Variants in IL23A observed in about 807,000 individuals in gnomAD.
The protein encoded by IL23A is interleukin 23 subunit alpha.
IL23A carries 16 observed loss-of-function variants against 20.7 expected under a neutral mutation model. The observed-to-expected ratio is 0.77, with a 90% CI of 0.52 to 1.17. The LOEUF is 1.17. Ranked by LOEUF, IL23A falls within the 50% of genes most tolerant of loss-of-function variation. The probability of loss-of-function intolerance (pLI) is 0.00; values close to 1 mark genes in which losing one functional copy is unlikely to be tolerated. For missense variants in IL23A, 175 were observed against 229.5 expected (o/e 0.76, Z 1.53); for synonymous variants, 80 against 88.7 (o/e 0.90, Z 0.55).
At chr12:56,339,326 A>G in intron 1 of IL23A, 100 bp from the exon 2 acceptor site, 1 of 1,373,982 alleles carries the variant, frequency 7.3e-7, no homozygotes, top group Non-Finnish European at 1.0e-6. Context: ...AGAGGACAAG[A>G]GAGTAGGGTT....
chr12:56,339,893 G>A (rs1038010630), intron 3 of IL23A, 50 bp from the exon 4 acceptor site: 1 of 1,610,314 alleles, frequency 6.2e-7, no homozygotes, highest in African/African-American at 1.3e-5. Flanking sequence ...ACAGAGGGTT[G>A]GGGGTTAAGG....
chr12:56,340,146 G>A lies in IL23A; in HGVS notation c.*42G>A, dbSNP rs1299304419. The A allele has an allele frequency of 6.3e-7, 1 of 1,594,636 alleles. No individual in the cohort carries two copies. The highest frequency in any genetic ancestry group is 1.7e-5 in the Admixed American group (1 of 57,396). ...ATGGCACTCAGATCTCCATGGCCCA[G>A]CAAGGCCAAGATAAATCTACCACCC... On this transcript the variant is annotated 3_prime_UTR_variant, in exon 4 of 4. Transcript: ENST00000228534.
chr12:56,340,102 T>TAA lies in IL23A; in HGVS notation c.570_*1dup. ...CCATGGAGCAGCAACCCTGAGTCCC[T>TAA]AAAGGCAGCAGCTCAAGGATGGCAC... ...FAHGAATLSP[*] The change falls in exon 4 of 4, where the codon TAA becomes TAAAA. Residue 190 remains the stop codon, a frameshift_variant and stop_retained_variant. Coordinates refer to ENST00000228534, the MANE Select transcript of IL23A (RefSeq NM_016584.3). LOFTEE classifies it high-confidence loss of function. 6.2e-7 allele frequency: 1 copy of TAA among 1,613,830 alleles called. No individual in the cohort carries two copies. Among genetic ancestry groups the TAA allele is most frequent in the South Asian group, 1.1e-5 (1 of 91,056 alleles).
chr12:56,338,962 C>T lies in IL23A; in HGVS notation c.-83C>T. On this transcript the variant is annotated 5_prime_UTR_variant, in exon 1 of 4. Coordinates refer to ENST00000228534, the MANE Select transcript of IL23A (RefSeq NM_016584.3). The stretch of plus-strand genomic sequence containing the variant: ...CGCGCTGAACAGAGAGAATCAGGCT[C>T]AAAGCAAGTGGAAGTGGGCAGAGAT... 1.7e-6 allele frequency: 2 copies of T among 1,196,738 alleles called. No homozygotes were observed. Among genetic ancestry groups the T allele is most frequent in the Non-Finnish European group, 2.2e-6 (2 of 914,686 alleles). The allele number at this position is 1,196,738 out of a possible 1,614,324, so 74.1% of individuals were successfully genotyped here.
Position 56,339,251 on chromosome 12 carries a change from A to G in IL23A, c.162+45A>G, listed in dbSNP as rs753089266. ...GCCTAACAGGAGTCCAGGCTCTCCA[A>G]GGCTGTGGCAGAAGACCGTGACCTT... On this transcript the variant is annotated intron_variant, in intron 1 of 3. Coordinates refer to ENST00000228534, the MANE Select transcript of IL23A (RefSeq NM_016584.3). 11 of 1,532,608 alleles carry G rather than the reference A, an allele frequency of 7.2e-6. No individual in the cohort carries two copies. The Admixed American group carries it at 2.2e-4, about 31-fold the overall frequency. 94.9% of individuals were successfully genotyped at this position (1,532,608 alleles called of 1,614,324 possible). A position where few individuals can be genotyped will look rare whatever the true frequency, so the allele number is the denominator to read the frequency against.
At position 56,339,541 on chromosome 12, in the gene IL23A, G is replaced by T; in HGVS notation, c.261+17G>T. ...AACAGTCAGGTACCACTGGGATGTG[G>T]CTGGGCAATGAAGGAGAGGGGACTG... On this transcript the variant is annotated intron_variant, in intron 2 of 3. Coordinates refer to ENST00000228534, the MANE Select transcript of IL23A (RefSeq NM_016584.3). The T allele has an allele frequency of 6.3e-7, 1 of 1,596,088 alleles. No homozygotes were observed. The highest frequency in any genetic ancestry group is 2.2e-5 in the East Asian group (1 of 44,796).
rs768285630 is a variant in IL23A at position 56,339,028 on chromosome 12, GAGA to G, written c.-11_-9del. The G allele has an allele frequency of 2.5e-5, 35 of 1,375,170 alleles. No homozygotes were observed. Among genetic ancestry groups the G allele is most frequent in the Non-Finnish European group, 3.0e-5 (32 of 1,054,496 alleles). The allele number at this position is 1,375,170 out of a possible 1,614,324, so 85.2% of individuals were successfully genotyped here. On this transcript the variant is annotated 5_prime_UTR_variant, in exon 1 of 4. Transcript: ENST00000228534. ...GCAAGGCGCAGAGCCAGCCAGATTT[GAGA>G]AGAAGGCAAAAAGATGCTGGGGAGC...
At chr12:56,339,578 G>C (rs1876407279) in intron 2 of IL23A, 54 bp downstream of exon 2, 2 of 1,582,124 alleles carry the variant, frequency 1.3e-6, no homozygotes, top group South Asian at 2.2e-5. Flanking sequence ...GAACATGGCT[G>C]GGTACCATGG....
rs868411701 is a variant in IL23A at position 56,340,387 on chromosome 12, A to C, written c.*283A>C. On this transcript the variant is annotated 3_prime_UTR_variant, in exon 4 of 4. Transcript: ENST00000228534. Reference sequence around the variant, plus strand: ...TTATATTGAATTATGTACTTTTTTCAATAAAGTCTTATTTTTGTGGCTATA... The same window carrying C: ...TTATATTGAATTATGTACTTTTTTCCATAAAGTCTTATTTTTGTGGCTATA... The C allele has an allele frequency of 9.3e-6, 3 of 322,402 alleles. No homozygotes were observed. The highest frequency in any genetic ancestry group is 8.9e-4 in the Middle Eastern group (1 of 1,120). The allele number at this position is 322,402 out of a possible 1,614,324, so 20.0% of individuals were successfully genotyped here.
rs541477832 is a variant in IL23A, at chr12:56,339,712, C to T, written c.283C>T (p.Gln95Ter). Residue 95 changes from glutamine to a stop codon, truncating the protein, a stop_gained, in exon 3 of 4, where the codon CAG (glutamine) becomes TAG (stop). Coordinates refer to ENST00000228534, the MANE Select transcript of IL23A (RefSeq NM_016584.3). LOFTEE classifies it high-confidence loss of function. ...NSQFCLQRIHQGLIFYEKLLG... is the reference protein window; with the variant it reads ...NSQFCLQRIH ...CTAGTTCTGCTTGCAAAGGATCCAC[C>T]AGGGTCTGATTTTTTATGAGAAGCT... 1 of 1,613,880 alleles carries T rather than the reference C, an allele frequency of 6.2e-7. No individual in the cohort carries two copies. The highest frequency in any genetic ancestry group is 8.5e-7 in the Non-Finnish European group (1 of 1,179,900).
At position 56,340,260 on chromosome 12, in the gene IL23A, G is replaced by C. The variant is rs200670603; in HGVS notation, c.*156G>C. On this transcript the variant is annotated 3_prime_UTR_variant, in exon 4 of 4. Transcript: ENST00000228534. ...AAATTACCAATACTGACTGACATGT[G>C]ATGCTGACCTATGATAAGGTTGAGT... 7 of 705,208 alleles carry C rather than the reference G, an allele frequency of 9.9e-6. No individual in the cohort carries two copies. Among genetic ancestry groups the C allele is most frequent in the Non-Finnish European group, 1.6e-5 (7 of 433,940 alleles). 43.7% of individuals were successfully genotyped at this position (705,208 alleles called of 1,614,324 possible). A position where few individuals can be genotyped will look rare whatever the true frequency, so the allele number is the denominator to read the frequency against.
rs769687309 is a variant in IL23A at position 56,339,068 on chromosome 12, G to A, written c.24G>A (p.Met8Ile). 3.5e-6 allele frequency: 5 copies of A among 1,440,530 alleles called. No individual in the cohort carries two copies. The Admixed American group carries it at 1.3e-4, about 36-fold the overall frequency. 89.2% of individuals were successfully genotyped at this position (1,440,530 alleles called of 1,614,324 possible). ...AGATGCTGGGGAGCAGAGCTGTAAT[G>A]CTGCTGTTGCTGCTGCCCTGGACAG... MLGSRAVMLLLLLPWTAQ... is the reference protein window; with the variant it reads MLGSRAVILLLLLPWTAQ... Residue 8 changes from methionine (M) to isoleucine (I), a missense_variant, in exon 1 of 4, where the codon ATG (methionine) becomes ATA (isoleucine). Met to Ile is a conservative substitution (Grantham distance 10, BLOSUM62 1). Transcript: ENST00000228534.
chr12:56,339,889 G>A (rs1465123694), intron 3 of IL23A, 52 bp downstream of exon 3: 9 of 1,610,508 alleles, frequency 5.6e-6, no homozygotes, highest in Admixed American at 5.0e-5. Context: ...AGAGACAGAG[G>A]GTTGGGGGTT....
In IL23A at chr12:56,339,094, C is replaced by T. The variant is rs761463787; in HGVS notation, c.50C>T (p.Ala17Val). ...CTGCTGTTGCTGCTGCCCTGGACAG[C>T]TCAGGGCAGAGCTGTGCCTGGGGGC... ...VMLLLLLPWT[A>V]QGRAVPGGSS... is the part of the protein sequence containing the mutation. Residue 17 changes from alanine to valine, a missense_variant, in exon 1 of 4, where the codon GCT becomes GTT. By Grantham distance (64) the Ala-to-Val change is moderately conservative. Coordinates refer to ENST00000228534, the MANE Select transcript of IL23A (RefSeq NM_016584.3). 5.8e-6 allele frequency: 9 copies of T among 1,550,316 alleles called. No individual in the cohort carries two copies. Among genetic ancestry groups the T allele is most frequent in the Non-Finnish European group, 7.9e-6 (9 of 1,145,742 alleles).
Position 56,339,729 on chromosome 12 carries a change from T to C in IL23A, c.300T>C (p.Tyr100=). 6.2e-7 allele frequency: 1 copy of C among 1,614,022 alleles called. No individual in the cohort carries two copies. Among genetic ancestry groups the C allele is most frequent in the Non-Finnish European group, 8.5e-7 (1 of 1,179,946 alleles). Residue 100 remains tyrosine (Y), a synonymous_variant, in exon 3 of 4, where the codon TAT becomes TAC. Transcript: ENST00000228534. ...GGATCCACCAGGGTCTGATTTTTTA[T>C]GAGAAGCTGCTAGGATCGGATATTT... ...LQRIHQGLIF[Y]EKLLGSDIFT...
Position 56,339,676 on chromosome 12 carries a change from T to C in IL23A, c.262-15T>C, listed in dbSNP as rs1405298905. 3 of 1,611,640 alleles carry C rather than the reference T, an allele frequency of 1.9e-6. No homozygotes were observed. In the Admixed American group the frequency reaches 5.0e-5, roughly 27 times the overall value. ...GAAGAGGGTGTCCTCTTTCATTGCTTTCTTTTCTCCCTAGTTCTGCTTGCA... is the reference window on the plus strand; with the variant it reads ...GAAGAGGGTGTCCTCTTTCATTGCTCTCTTTTCTCCCTAGTTCTGCTTGCA... On this transcript the variant is annotated splice_polypyrimidine_tract_variant and intron_variant, in intron 2 of 3. Transcript: ENST00000228534.
At chr12:56,339,253 G>T in intron 1 of IL23A, 47 bp downstream of exon 1, 6 of 1,534,214 alleles carry the variant, frequency 3.9e-6, no homozygotes, top group Non-Finnish European at 5.3e-6. Flanking sequence ...GCTCTCCAAG[G>T]CTGTGGCAGA....
chr12:56,339,332 G>A (rs1177450214), intron 1 of IL23A, 94 bp from the exon 2 acceptor site: 10 of 1,370,736 alleles, frequency 7.3e-6, no homozygotes, highest in Non-Finnish European at 1.0e-5. Flanking sequence ...CAAGAGAGTA[G>A]GGTTCCTGGG....
chr12:56,339,113 T>TG lies in IL23A; in HGVS notation c.74dup (p.Ser26GlnfsTer37). The TG allele has an allele frequency of 1.3e-6, 2 of 1,577,480 alleles. No individual in the cohort carries two copies. Among genetic ancestry groups the TG allele is most frequent in the Non-Finnish European group, 1.7e-6 (2 of 1,157,702 alleles). On this transcript the variant is annotated frameshift_variant, in exon 1 of 4. Coordinates refer to ENST00000228534, the MANE Select transcript of IL23A (RefSeq NM_016584.3). LOFTEE classifies it high-confidence loss of function. Reference sequence around the variant, plus strand: ...GGACAGCTCAGGGCAGAGCTGTGCCTGGGGGCAGCAGCCCTGCCTGGACTC... The same window carrying TG: ...GGACAGCTCAGGGCAGAGCTGTGCCTGGGGGGCAGCAGCCCTGCCTGGACTC...
Sources: allele counts gnomAD v4.1 joint callset, GRCh38; gene constraint gnomAD v4.1.1; transcripts MANE v1.5; gene names NCBI Gene and HGNC (gene_info 2026-07-23, HGNC 2026-07-21).